The following ATP13A3 variants were observed in gnomAD, a reference collection of about 807,000 sequenced individuals.
ATP13A3 encodes ATPase 13A3.
In ATP13A3, 59 loss-of-function variants were observed where a neutral mutation model predicts 158.1. That is an observed-to-expected ratio of 0.37 (90% CI 0.30 to 0.46). ATP13A3 has a LOEUF of 0.46. ATP13A3 is among the 20% of genes least tolerant of loss of function. The pLI, the probability that ATP13A3 is intolerant of heterozygous loss-of-function variation, is 1.00. For synonymous variants in ATP13A3, 491 were observed against 504.3 expected (o/e 0.97, Z 0.35); for missense variants, 1,166 against 1,525.2 (o/e 0.76, Z 3.92).
intron 15 of ATP13A3, among the ~76,000 whole-genome samples, chr3:194,443,614 C>T (rs7653461): frequency 0.37 from 56,577 of 151,846 alleles, 15,141 homozygotes; most frequent in African/African-American, 0.76. Flanking sequence ...AAGGTCACAA[C>T]GTGACATACT....
At chr3:194,467,368 C>T (rs1048801997) in intron 2 of ATP13A3, among the ~76,000 whole-genome samples, 1 of 152,170 alleles carries the variant, frequency 6.6e-6, no homozygotes, top group Non-Finnish European at 1.5e-5. Context: ...ATAGGCAGTT[C>T]ACTGCCTATA....
chr3:194,435,005 G>A (rs1338746887), intron 20 of ATP13A3, among the ~76,000 whole-genome samples: 1 of 152,178 alleles, frequency 6.6e-6, no homozygotes, highest in Non-Finnish European at 1.5e-5. Flanking sequence ...TCTCAATGGG[G>A]AAGGAGGAGG....
At chr3:194,459,232 T>C (rs1450485822) in intron 6 of ATP13A3, 1 of 460,732 alleles carries the variant, frequency 2.2e-6, no homozygotes, top group Non-Finnish European at 4.0e-6. Flanking sequence ...TCAGTAGACT[T>C]TGGCATCATA....
At chr3:194,460,581 T>C in intron 4 of ATP13A3, 77 bp downstream of exon 4, 1 of 1,423,424 alleles carries the variant, frequency 7.0e-7, no homozygotes, top group Non-Finnish European at 9.6e-7. Flanking sequence ...CCTTCATCTA[T>C]TATTTCGAAT....
upstream of ATP13A3, chr3:194,487,150 G>C (rs373514297): frequency 1.5e-4 from 23 of 152,220 alleles, no homozygotes; most frequent in East Asian, 2.9e-3. Flanking sequence ...ACCCTCGAAC[G>C]GGCAAAAGAA....
chr3:194,479,397 T>G (rs576081248), intron 2 of ATP13A3, among the ~76,000 whole-genome samples: 1 of 152,172 alleles, frequency 6.6e-6, no homozygotes, highest in Non-Finnish European at 1.5e-5. Flanking sequence ...CTTATTATAA[T>G]TAGCATTAAA....
intron 3 of ATP13A3, among the ~76,000 whole-genome samples, chr3:194,461,157 ATTC>A (rs1461420429): frequency 1.3e-5 from 2 of 151,916 alleles, no homozygotes; most frequent in Non-Finnish European, 2.9e-5. Flanking sequence ...TATCTTTTTA[ATTC>A]TTCTTGAATT....
At chr3:194,474,433 T>G (rs1720437806) in intron 2 of ATP13A3, among the ~76,000 whole-genome samples, 1 of 151,890 alleles carries the variant, frequency 6.6e-6, no homozygotes, top group African/African-American at 2.4e-5. Flanking sequence ...GAAATAGGAG[T>G]ATGTTAAAAT....
At chr3:194,420,274 GC>G (rs1479411502) in intron 30 of ATP13A3, 1 of 167,750 alleles carries the variant, frequency 6.0e-6, no homozygotes, top group Non-Finnish European at 1.3e-5. Flanking sequence ...TTTGTATGTC[GC>G]CCAAATGGAT....
chr3:194,437,669 T>G (rs1001072931), intron 17 of ATP13A3, 96 bp from the exon 18 acceptor site: 84 of 1,263,450 alleles, frequency 6.6e-5, no homozygotes, highest in Non-Finnish European at 9.0e-5. Flanking sequence ...AAAACATTAT[T>G]TGGAAAAGAA....
chr3:194,444,820 T>C lies in ATP13A3; in HGVS notation c.1498-34A>G, dbSNP rs1292219780. The C allele has an allele frequency of 2.7e-5, 41 of 1,539,080 alleles. No homozygotes were observed. In the Admixed American group the frequency reaches 2.7e-4, roughly 10 times the overall value. On this transcript the variant is annotated intron_variant, in intron 14 of 33. Transcript: ENST00000645319. ...CAAAAAAGCACACATGCACAAAGTATGGATGATGCCTCAAAAAAAAACCCA... is the reference window on the plus strand; with the variant it reads ...CAAAAAAGCACACATGCACAAAGTACGGATGATGCCTCAAAAAAAAACCCA...
intron 5 of ATP13A3, 28 bp from the exon 6 acceptor site, chr3:194,459,569 A>G: frequency 1.3e-6 from 2 of 1,540,198 alleles, no homozygotes; most frequent in East Asian, 2.3e-5. Flanking sequence ...ACGTTACACC[A>G]AAAAGCATAT....
chr3:194,467,624 TA>T (rs1164381227), intron 2 of ATP13A3, among the ~76,000 whole-genome samples: 1 of 152,168 alleles, frequency 6.6e-6, no homozygotes, highest in Non-Finnish European at 1.5e-5. Context: ...ACTTTTCACA[TA>T]AACTTTTAGT....
intron 8 of ATP13A3, among the ~76,000 whole-genome samples, 173 bp from the exon 9 acceptor site, chr3:194,454,565 A>G (rs555565372): frequency 1.3e-5 from 2 of 152,238 alleles, no homozygotes; most frequent in African/African-American, 2.4e-5. Context: ...GCGGTGGCTC[A>G]CGCCTGTAAT....
At chr3:194,451,066 T>C (rs1718772645) in intron 10 of ATP13A3, 1 of 152,194 alleles carries the variant, frequency 6.6e-6, no homozygotes, top group Admixed American at 6.5e-5. Context: ...TTTAATACTG[T>C]GCTCAGAAGA....
intron 4 of ATP13A3, 143 bp from the exon 5 acceptor site, chr3:194,460,114 C>G: frequency 1.5e-6 from 1 of 668,550 alleles, no homozygotes; most frequent in Admixed American, 3.3e-5. Context: ...AATATTAAAC[C>G]ATTTCATGAG....
At chr3:194,490,240 C>G (rs1721130663), upstream of ATP13A3, among the ~76,000 whole-genome samples, 1 of 152,212 alleles carries the variant, frequency 6.6e-6, no homozygotes, top group African/African-American at 2.4e-5. This position sits in a 1 kb window ranked among gnomAD's most constrained non-coding sequence, Gnocchi z 4.4. Flanking sequence ...ACATCGGCCC[C>G]AGGATCTATT....
chr3:194,453,995 C>T (rs1209940110), intron 9 of ATP13A3, among the ~76,000 whole-genome samples: 1 of 152,152 alleles, frequency 6.6e-6, no homozygotes, highest in Non-Finnish European at 1.5e-5. Context: ...TTCCAGTATT[C>T]CAGTCTGTGA....
At chr3:194,454,182 G>A (rs1719029243) in intron 9 of ATP13A3, 76 bp downstream of exon 9, 2 of 1,351,204 alleles carry the variant, frequency 1.5e-6, no homozygotes. Flanking sequence ...TTTGTGCTGA[G>A]TACTATTCTA....
Sources: gnomAD v4.1 joint callset for allele counts (sites outside exome capture counted in the v4.1 genomes callset) on GRCh38, gnomAD v4.1.1 for gene constraint, Gnocchi (gnomAD v3.1) non-coding constraint, MANE v1.5 for transcripts, NCBI Gene and HGNC (gene_info 2026-07-23, HGNC 2026-07-21) for gene names.